The following PRKN variants were observed in gnomAD, a reference collection of about 807,000 sequenced individuals.
PRKN encodes the protein parkin RBR E3 ubiquitin protein ligase, also known as E3 ubiquitin-protein ligase parkin.
Under a neutral mutation model 59.5 loss-of-function variants are expected in PRKN, and 56 were observed. The observed-to-expected ratio is 0.94, with a 90% confidence interval of 0.76 to 1.18. PRKN has a LOEUF of 1.18. PRKN is among the 50% of genes most tolerant of loss of function. The pLI is 0.00. For synonymous variants in PRKN, 250 were observed against 222.1 expected (o/e 1.13, Z -1.12); for missense variants, 657 against 596.4 (o/e 1.10, Z -1.06).
At chr6:162,459,539 G>A (rs778746920) in intron 1 of PRKN, among the ~76,000 whole-genome samples, 3 of 151,960 alleles carry the variant, frequency 2.0e-5, no homozygotes, top group Non-Finnish European at 4.4e-5. Flanking sequence ...TTTTAACTTC[G>A]CAGCAGAGAT....
At chr6:162,492,163 A>G (rs1792846055) in intron 1 of PRKN, among the ~76,000 whole-genome samples, 1 of 152,218 alleles carries the variant, frequency 6.6e-6, no homozygotes, top group Non-Finnish European at 1.5e-5. Flanking sequence ...TGCTCACATG[A>G]ACTAAAAGCC....
intron 7 of PRKN, among the ~76,000 whole-genome samples, chr6:161,599,987 C>G (rs554828308): frequency 6.6e-6 from 1 of 152,112 alleles, no homozygotes; most frequent in Non-Finnish European, 1.5e-5. Flanking sequence ...ATCCCGCACA[C>G]GTGAAAACAC....
chr6:161,380,944 C>A (rs549796332), intron 10 of PRKN, among the ~76,000 whole-genome samples: 4 of 152,284 alleles, frequency 2.6e-5, no homozygotes, highest in African/African-American at 9.6e-5. Flanking sequence ...ACAAGCCATG[C>A]CCACTCCAGT....
intron 1 of PRKN, among the ~76,000 whole-genome samples, chr6:162,488,394 G>A (rs563619654): frequency 1.3e-5 from 2 of 152,212 alleles, no homozygotes; most frequent in African/African-American, 4.8e-5. Context: ...GTGGATGCAT[G>A]GTCTCCACAA....
intron 7 of PRKN, among the ~76,000 whole-genome samples, chr6:161,640,452 C>T (rs1783698052): frequency 6.6e-6 from 1 of 152,096 alleles, no homozygotes; most frequent in Non-Finnish European, 1.5e-5. Flanking sequence ...TTAGCTGTGT[C>T]GCACAGACAG....
chr6:162,305,897 A>G (rs931502599), intron 2 of PRKN, among the ~76,000 whole-genome samples: 1 of 152,080 alleles, frequency 6.6e-6, no homozygotes, highest in Non-Finnish European at 1.5e-5. Flanking sequence ...TATTTTACAT[A>G]TATACATGTT....
chr6:161,804,571 T>C (rs925613353), intron 6 of PRKN, among the ~76,000 whole-genome samples: 5 of 152,214 alleles, frequency 3.3e-5, no homozygotes, highest in African/African-American at 1.2e-4. Context: ...CTTGGAAGGA[T>C]TGAAGTAAAC....
At chr6:161,750,191 G>A (rs928609250) in intron 7 of PRKN, among the ~76,000 whole-genome samples, 2 of 151,566 alleles carry the variant, frequency 1.3e-5, no homozygotes, top group African/African-American at 4.9e-5. Context: ...TGCAAGGCCT[G>A]TAAACCCATT....
intron 6 of PRKN, among the ~76,000 whole-genome samples, chr6:161,965,279 A>G (rs1329918051): frequency 1.3e-5 from 2 of 152,110 alleles, no homozygotes; most frequent in East Asian, 3.8e-4. Context: ...ATATCAAACA[A>G]CAATGACATC....
chr6:161,494,000 C>T (rs552678655), intron 9 of PRKN, among the ~76,000 whole-genome samples: 1 of 152,240 alleles, frequency 6.6e-6, no homozygotes, highest in African/African-American at 2.4e-5. Context: ...AACGGGTCCA[C>T]CCACTAAACT....
rs537671875 is a variant in PRKN, at chr6:161,530,521, CTTTTT to C, written c.1083+18328_1083+18332del. Among the ~76,000 whole-genome samples, 8 of 141,866 alleles carry C rather than the reference CTTTTT, an allele frequency of 5.6e-5. No individual in the cohort carries two copies. The highest frequency in any genetic ancestry group is 4.2e-4 in the Admixed American group (6 of 14,330). 93.1% of individuals were successfully genotyped at this position (141,866 alleles called of 152,430 possible). A position where few individuals can be genotyped will look rare whatever the true frequency, so the allele number is the denominator to read the frequency against. ...GGCTTGCTTCTTTTTTTCTTTTTTT[CTTTTT>C]TTTTTTTGAGATGGAGTTTCACTCT... is the stretch of plus-strand genomic sequence containing the variant. On this transcript the variant is annotated intron_variant, in intron 9 of 11. Coordinates refer to ENST00000366898, the MANE Select transcript of PRKN (RefSeq NM_004562.3). The surrounding 1 kb of genome is among the most constrained non-coding windows in gnomAD (Gnocchi z 5.0).
intron 6 of PRKN, among the ~76,000 whole-genome samples, chr6:161,855,773 C>A (rs1209514877): frequency 1.3e-5 from 2 of 152,098 alleles, no homozygotes; most frequent in Non-Finnish European, 2.9e-5. Flanking sequence ...TGTTACCCAA[C>A]TGGATAAGAA....
chr6:161,428,596 G>A lies in PRKN; in HGVS notation c.1084-41719C>T, dbSNP rs1788501559. Among the ~76,000 whole-genome samples the A allele has an allele frequency of 1.3e-5, 2 of 152,192 alleles. 1 individual carries two copies. Among genetic ancestry groups the A allele is most frequent in the African/African-American group, 4.8e-5 (2 of 41,440 alleles). On this transcript the variant is annotated intron_variant, in intron 9 of 11. Transcript: ENST00000366898. This position sits in a 1 kb window ranked among gnomAD's most constrained non-coding sequence, Gnocchi z 4.0. The stretch of plus-strand genomic sequence containing the variant: ...GCCTTTGATTGTTTGGCGGTTTGCT[G>A]TGTTCTCTGAGTGTTTTTCCACACA...
Position 162,190,533 on chromosome 6 carries a change from C to T in PRKN, c.534+10598G>A, listed in dbSNP as rs1202808902. Among the ~76,000 whole-genome samples the T allele has an allele frequency of 8.5e-5, 13 of 152,152 alleles. 1 individual carries two copies. On this transcript the variant is annotated intron_variant, in intron 4 of 11. Coordinates refer to ENST00000366898, the MANE Select transcript of PRKN (RefSeq NM_004562.3). The stretch of plus-strand genomic sequence containing the variant: ...GTTTGGTTTCTTTCTCGCCGGGTGA[C>T]CCAAGTAAAGTCAATTAACCTCTCC...
At chr6:162,442,401 C>A (rs1424101069) in intron 2 of PRKN, among the ~76,000 whole-genome samples, 4 of 152,184 alleles carry the variant, frequency 2.6e-5, no homozygotes, top group African/African-American at 4.8e-5. Flanking sequence ...GTCACAGGGA[C>A]CATTCCCAGA....
intron 7 of PRKN, among the ~76,000 whole-genome samples, chr6:161,749,433 C>T (rs1188914141): frequency 6.6e-6 from 1 of 152,010 alleles, no homozygotes; most frequent in Non-Finnish European, 1.5e-5. Flanking sequence ...CATTTTAGTG[C>T]TTTTATGGAG....
At chr6:162,387,191 C>G (rs1267891357) in intron 2 of PRKN, among the ~76,000 whole-genome samples, 1 of 73,420 alleles carries the variant, frequency 1.4e-5, no homozygotes, top group African/African-American at 4.9e-5. Flanking sequence ...ATAAAGGCAA[C>G]AAGAATTGAA....
intron 2 of PRKN, among the ~76,000 whole-genome samples, chr6:162,441,838 C>T (rs1354770804): frequency 6.6e-6 from 1 of 152,110 alleles, no homozygotes; most frequent in African/African-American, 2.4e-5. Flanking sequence ...CATATGAAAT[C>T]GCTAATTGTT....
chr6:162,386,594 G>A (rs888361965), intron 2 of PRKN, among the ~76,000 whole-genome samples: 1 of 152,208 alleles, frequency 6.6e-6, no homozygotes, highest in Non-Finnish European at 1.5e-5. Context: ...GTCCAGCACT[G>A]GGCTGGCCCT....
Sources: allele counts gnomAD v4.1 joint callset (sites outside exome capture counted in the v4.1 genomes callset), GRCh38; gene constraint gnomAD v4.1.1; non-coding constraint Gnocchi (gnomAD v3.1); transcripts MANE v1.5; gene names NCBI Gene and HGNC (gene_info 2026-07-23, HGNC 2026-07-21).